MLLT10: variants seen among roughly 807,000 people sequenced by gnomAD.
MLLT10 encodes the protein protein AF-10.
Under a neutral mutation model 129.1 loss-of-function variants are expected in MLLT10, and 30 were observed. The ratio of observed to expected loss-of-function variants is 0.23; its 90% CI spans 0.17 to 0.32. The LOEUF (loss-of-function observed/expected upper bound fraction) is 0.32, where lower values mean the gene tolerates loss of function less well. Ranked by LOEUF, MLLT10 falls within the 10% of genes least tolerant of loss-of-function variation. The probability of loss-of-function intolerance (pLI) is 1.00; values close to 1 mark genes in which losing one functional copy is unlikely to be tolerated. For missense variants in MLLT10, 1,119 were observed against 1,268.3 expected (o/e 0.88, Z 1.79); for synonymous variants, 490 against 446.4 (o/e 1.10, Z -1.23).
chr10:21,537,619 C>G (rs1012428725), intron 2 of MLLT10, among the ~76,000 whole-genome samples: 2 of 152,096 alleles, frequency 1.3e-5, no homozygotes, highest in Non-Finnish European at 2.9e-5. Flanking sequence ...CACCTGCCAC[C>G]ATGCCCAGCT....
chr10:21,674,713 G>C (rs917416326), intron 11 of MLLT10, among the ~76,000 whole-genome samples: 4 of 151,996 alleles, frequency 2.6e-5, no homozygotes, highest in African/African-American at 9.7e-5. Flanking sequence ...ATTTCATCTT[G>C]AATTTAAGAT....
chr10:21,727,213 T>G (rs2057583905), intron 15 of MLLT10, among the ~76,000 whole-genome samples: 1 of 152,214 alleles, frequency 6.6e-6, no homozygotes, highest in Non-Finnish European at 1.5e-5. Flanking sequence ...AGGAACTAAC[T>G]GCAGGGGAAA....
rs761932700 is a variant in MLLT10, at chr10:21,732,901, T to C, written c.2221T>C (p.Leu741=). 3.1e-6 allele frequency: 5 copies of C among 1,612,488 alleles called. No homozygotes were observed. In the East Asian group the frequency reaches 1.1e-4, roughly 36 times the overall value. ...AAAACTATCCAAATGTGTGGTAGTT[T>C]TAGGAATGCTGAAGTCATTACACCA... ...LLEQGTPSDI[L]GMLKSLHQLQ... is the part of the protein sequence containing the mutation. Residue 741 remains leucine, a splice_region_variant and synonymous_variant, in exon 18 of 23, where the codon TTA becomes CTA. Transcript: ENST00000307729.
chr10:21,698,185 ACC>A (rs2054553672), intron 13 of MLLT10, among the ~76,000 whole-genome samples: 1 of 152,138 alleles, frequency 6.6e-6, no homozygotes, highest in Admixed American at 6.5e-5. Context: ...GTATGTTTGT[ACC>A]CATTCAACAA....
intron 3 of MLLT10, chr10:21,556,672 A>G (rs1195242375): frequency 6.2e-7 from 1 of 1,612,198 alleles, no homozygotes; most frequent in Non-Finnish European, 8.5e-7. Context: ...GGTTAGCCTC[A>G]TCTGAAAACG....
At chr10:21,645,508 C>G (rs969939835) in intron 8 of MLLT10, among the ~76,000 whole-genome samples, 5 of 152,112 alleles carry the variant, frequency 3.3e-5, no homozygotes, top group African/African-American at 1.2e-4. Flanking sequence ...ATTAAAATAA[C>G]TCACATGTTC....
intron 9 of MLLT10, among the ~76,000 whole-genome samples, chr10:21,665,938 C>G (rs2050746066): frequency 6.6e-6 from 1 of 151,934 alleles, no homozygotes; most frequent in Admixed American, 6.6e-5. Context: ...AACTCCTGAC[C>G]TTAGTCGATC....
intron 6 of MLLT10, 123 bp downstream of exon 6, chr10:21,612,574 G>T: frequency 2.0e-6 from 1 of 504,806 alleles, no homozygotes; most frequent in Non-Finnish European, 3.4e-6. Context: ...TAGTTTCTAT[G>T]TTCACATTTA....
rs144612417 is a variant in MLLT10 at position 21,742,036 on chromosome 10, G to T, written c.*53G>T. The T allele has an allele frequency of 2.0e-4, 320 of 1,566,428 alleles. 3 individuals carry two copies. In the African/African-American group the frequency reaches 2.5e-3, roughly 12 times the overall value. On this transcript the variant is annotated 3_prime_UTR_variant, in exon 23 of 23. Transcript: ENST00000307729. ...ATCCTGCTGTTCTAGCACTTCATCT[G>T]GCTGCCTTTGCAGTCCTTTTACTAC...
intron 10 of MLLT10, 29 bp from the exon 11 acceptor site, chr10:21,673,317 ACTTT>A: frequency 2.3e-5 from 4 of 173,590 alleles, no homozygotes; most frequent in Non-Finnish European, 3.4e-5. Context: ...CCACCCCCCA[ACTTT>A]TTTTTTTTTT....
intron 3 of MLLT10, among the ~76,000 whole-genome samples, chr10:21,553,869 C>T (rs546217783): frequency 2.0e-5 from 3 of 152,198 alleles, no homozygotes; most frequent in South Asian, 2.1e-4. Flanking sequence ...AGGCTGGTTT[C>T]GAACTCCTGA....
intron 13 of MLLT10, among the ~76,000 whole-genome samples, chr10:21,688,309 CTCTT>C (rs373136658): frequency 8.5e-5 from 13 of 152,128 alleles, no homozygotes; most frequent in South Asian, 2.1e-4. Context: ...CATTACTACT[CTCTT>C]TATTTAGAGC....
chr10:21,605,218 T>C (rs1254725679), intron 5 of MLLT10, among the ~76,000 whole-genome samples: 2 of 152,228 alleles, frequency 1.3e-5, no homozygotes, highest in Non-Finnish European at 2.9e-5. Flanking sequence ...CACAGTTCAC[T>C]GGACAAGCAA....
intron 8 of MLLT10, among the ~76,000 whole-genome samples, chr10:21,644,351 G>C (rs1296895507): frequency 2.6e-5 from 4 of 151,904 alleles, no homozygotes; most frequent in Non-Finnish European, 2.9e-5. Context: ...TATAATTTAC[G>C]TAATTTTTTG....
chr10:21,664,417 G>A (rs192621712), intron 9 of MLLT10, among the ~76,000 whole-genome samples: 1 of 150,994 alleles, frequency 6.6e-6, no homozygotes, highest in African/African-American at 2.4e-5. Flanking sequence ...AGGTTCAAGC[G>A]ATTCTCCTGT....
intron 10 of MLLT10, among the ~76,000 whole-genome samples, 161 bp from the exon 11 acceptor site, chr10:21,673,189 A>G (rs2051658883): frequency 6.6e-6 from 1 of 152,164 alleles, no homozygotes; most frequent in Admixed American, 6.6e-5. Flanking sequence ...TAAATTTGAC[A>G]AGTCTTAATA....
chr10:21,693,291 G>A (rs747370469), intron 13 of MLLT10, among the ~76,000 whole-genome samples: 6 of 151,764 alleles, frequency 4.0e-5, no homozygotes, highest in Non-Finnish European at 7.4e-5. Context: ...TTTTTGCTAT[G>A]CATGTTTAAT....
At chr10:21,606,405 T>C (rs1003553167) in intron 5 of MLLT10, among the ~76,000 whole-genome samples, 3 of 152,242 alleles carry the variant, frequency 2.0e-5, no homozygotes, top group African/African-American at 7.2e-5. Flanking sequence ...TTCGAAAGGC[T>C]ATGGCTGCTA....
chr10:21,619,913 GT>G lies in MLLT10; in HGVS notation c.699+2715del, dbSNP rs551738726. Reference sequence around the variant, plus strand: ...CTCCTTCCCTCCTTACCTCTTTTAAGTTTTTTTTTCTTTTTCTTTTCTTTTT... The same window carrying G: ...CTCCTTCCCTCCTTACCTCTTTTAAGTTTTTTTTCTTTTTCTTTTCTTTTT... On this transcript the variant is annotated intron_variant, in intron 8 of 22. Transcript: ENST00000307729. Among the ~76,000 whole-genome samples the G allele has an allele frequency of 4.0e-5, 6 of 148,954 alleles. No homozygotes were observed. In the East Asian group the frequency reaches 5.9e-4, roughly 15 times the overall value.
Sources: allele counts gnomAD v4.1 joint callset (sites outside exome capture counted in the v4.1 genomes callset), GRCh38; gene constraint gnomAD v4.1.1; transcripts MANE v1.5; gene names NCBI Gene and HGNC (gene_info 2026-07-23, HGNC 2026-07-21).